GTPBP8: variants seen among roughly 807,000 people sequenced by gnomAD.
The protein encoded by GTPBP8 is GTP-binding protein 8.
GTPBP8 carries 21 observed loss-of-function variants against 27.3 expected under a neutral mutation model. The observed-to-expected ratio is 0.77, with a 90% CI of 0.55 to 1.11. The LOEUF (loss-of-function observed/expected upper bound fraction) is 1.11, where lower values mean the gene tolerates loss of function less well. Ranked by LOEUF, GTPBP8 falls within the 50% of genes least tolerant of loss-of-function variation. The pLI, the probability that GTPBP8 is intolerant of heterozygous loss-of-function variation, is 0.00. For synonymous variants in GTPBP8, 147 were observed against 135.3 expected, an observed-to-expected ratio of 1.09 and a Z score of -0.60; for missense variants, 380 against 350.8, an observed-to-expected ratio of 1.08 and a Z score of -0.67.
intron 1 of GTPBP8, chr3:112,991,611 A>C (rs1933682778): frequency 1.6e-6 from 1 of 640,912 alleles, no homozygotes; most frequent in Admixed American, 2.1e-5. Context: ...CTGCCTGTAT[A>C]CAGCTTAAAT....
intron 2 of GTPBP8, among the ~76,000 whole-genome samples, chr3:112,994,757 A>C (rs1053745474): frequency 1.3e-5 from 2 of 152,216 alleles, no homozygotes; most frequent in Admixed American, 6.5e-5. Flanking sequence ...GTTTCTCTTT[A>C]AAGTGGAGAT....
At position 112,995,224 on chromosome 3, in the gene GTPBP8, T is replaced by A; in HGVS notation, c.525T>A (p.Asp175Glu). 1 of 1,609,338 alleles carries A rather than the reference T, an allele frequency of 6.2e-7. No individual in the cohort carries two copies. Among genetic ancestry groups the A allele is most frequent in the Non-Finnish European group, 8.5e-7 (1 of 1,176,524 alleles). ...GTTATGGCTTTAGAGCACCTGAAGA[T>A]TTTGTTGACATGGTAGAGACCTATC... ...MPGYGFRAPE[D>E]FVDMVETYLK... The change falls in exon 3 of 6, where the codon GAT (aspartate) becomes GAA (glutamate). Residue 175 changes from aspartate to glutamate, a missense_variant. Physicochemically the swap from Asp to Glu is conservative, Grantham distance 45 (BLOSUM62 2). Coordinates refer to ENST00000383678, the MANE Select transcript of GTPBP8 (RefSeq NM_014170.4).
At chr3:112,991,698 ACT>A (rs1933684649) in intron 1 of GTPBP8, 1 of 427,850 alleles carries the variant, frequency 2.3e-6, no homozygotes. Context: ...CAAAAAATTA[ACT>A]CTCCTTTTTT....
chr3:112,991,760 T>G (rs1933686467), intron 1 of GTPBP8: 1 of 349,028 alleles, frequency 2.9e-6, no homozygotes, highest in African/African-American at 2.1e-5. Context: ...TTAGACAGAA[T>G]TTAGACAGTG....
At chr3:112,996,823 A>G in intron 3 of GTPBP8, 69 bp from the exon 4 acceptor site, 3 of 751,532 alleles carry the variant, frequency 4.0e-6, no homozygotes, top group Admixed American at 1.9e-5. Flanking sequence ...TTAGTACAGT[A>G]AGGAAGAGGG....
intron 4 of GTPBP8, among the ~76,000 whole-genome samples, chr3:112,999,155 A>G (rs569767961): frequency 6.6e-6 from 1 of 152,346 alleles, no homozygotes; most frequent in African/African-American, 2.4e-5. Flanking sequence ...TTGCAAATAT[A>G]ACTCCAGGAC....
rs1933910177 is a variant in GTPBP8, at chr3:113,001,449, A to G, written c.*530A>G. On this transcript the variant is annotated 3_prime_UTR_variant, in exon 6 of 6. Transcript: ENST00000383678. ...TTAGTCCATGTTGGAAACAACCGAA[A>G]GAACAGAATTCAAGTTCTAGTTCTG... 1.3e-5 allele frequency: 2 copies of G among 152,236 alleles called. No homozygotes were observed. 9.4% of individuals were successfully genotyped at this position (152,236 alleles called of 1,614,324 possible). A position where few individuals can be genotyped will look rare whatever the true frequency, so the allele number is the denominator to read the frequency against.
chr3:112,991,926 A>C (rs996477684), intron 1 of GTPBP8: 3 of 250,012 alleles, frequency 1.2e-5, no homozygotes, highest in African/African-American at 7.0e-5. Context: ...GTGAAATTTC[A>C]TGAGTGAGCA....
intron 4 of GTPBP8, among the ~76,000 whole-genome samples, chr3:112,998,660 CAGG>C (rs1933832404): frequency 6.6e-6 from 1 of 152,068 alleles, no homozygotes; most frequent in Non-Finnish European, 1.5e-5. Context: ...GAATGGAAGG[CAGG>C]AGGTCAGAGA....
chr3:112,999,247 ATG>A lies in GTPBP8; in HGVS notation c.667-195_667-194del, dbSNP rs539007523. 5.4e-3 allele frequency among the ~76,000 whole-genome samples: 824 copies of A among 152,308 alleles called. 4 individuals are homozygous for A. Among genetic ancestry groups the A allele is most frequent in the South Asian group, 0.044 (214 of 4,830 alleles). On this transcript the variant is annotated intron_variant, in intron 4 of 5. Coordinates refer to ENST00000383678, the MANE Select transcript of GTPBP8 (RefSeq NM_014170.4). ...GCAGCAGACATACAGTGTATACTTG[ATG>A]TGTTTCACACATTTGCTCATTTAAT...
At chr3:112,991,399 C>A in intron 1 of GTPBP8, 64 bp downstream of exon 1, 1 of 1,441,016 alleles carries the variant, frequency 6.9e-7, no homozygotes, top group Non-Finnish European at 9.8e-7. Context: ...CTTCCCTGGC[C>A]GTCCGGCTCG....
In GTPBP8 at chr3:112,995,119, C is replaced by T; in HGVS notation, c.436-16C>T. 1 of 1,560,356 alleles carries T rather than the reference C, an allele frequency of 6.4e-7. No homozygotes were observed. Among genetic ancestry groups the T allele is most frequent in the Non-Finnish European group, 8.7e-7 (1 of 1,151,944 alleles). ...ATATCTTAAGACAGCTTTTCTTTTTCTATTTACTTTATCAGGGACACACAA... is the reference window on the plus strand; with the variant it reads ...ATATCTTAAGACAGCTTTTCTTTTTTTATTTACTTTATCAGGGACACACAA... On this transcript the variant is annotated splice_polypyrimidine_tract_variant and intron_variant, in intron 2 of 5. Coordinates refer to ENST00000383678, the MANE Select transcript of GTPBP8 (RefSeq NM_014170.4).
chr3:112,997,554 A>C (rs1355934230), intron 4 of GTPBP8, among the ~76,000 whole-genome samples: 2 of 152,244 alleles, frequency 1.3e-5, no homozygotes, highest in Non-Finnish European at 2.9e-5. Context: ...ATTGGTATCC[A>C]CATTAATTTT....
intron 3 of GTPBP8, 150 bp from the exon 4 acceptor site, chr3:112,996,742 C>A: frequency 1.7e-6 from 1 of 599,064 alleles, no homozygotes; most frequent in Non-Finnish European, 2.9e-6. Context: ...AAACTTCTGG[C>A]AAATTGAGAA....
At chr3:112,999,032 T>G (rs1933841282) in intron 4 of GTPBP8, among the ~76,000 whole-genome samples, 2 of 152,236 alleles carry the variant, frequency 1.3e-5, no homozygotes, top group African/African-American at 4.8e-5. Flanking sequence ...TTCTGATTTT[T>G]TTCTTTAGAG....
rs990641253 is a variant in GTPBP8 at position 113,001,327 on chromosome 3, T to G, written c.*408T>G. On this transcript the variant is annotated 3_prime_UTR_variant, in exon 6 of 6. Coordinates refer to ENST00000383678, the MANE Select transcript of GTPBP8 (RefSeq NM_014170.4). ...AGGTAAAAGGGGGCTGCTTTTCTGT[T>G]AAGCATCGATAGGTAAGTTGATGGA... The G allele has an allele frequency of 3.9e-5, 6 of 153,568 alleles. 1 individual carries two copies. Among genetic ancestry groups the G allele is most frequent in the African/African-American group, 1.4e-4 (6 of 41,612 alleles). 9.5% of individuals were successfully genotyped at this position (153,568 alleles called of 1,614,324 possible).
intron 2 of GTPBP8, among the ~76,000 whole-genome samples, chr3:112,994,423 CAA>C (rs57931589): frequency 0.026 from 2,811 of 108,402 alleles, 122 homozygotes; most frequent in East Asian, 0.23. Flanking sequence ...AACTCTGTCT[CAA>C]AAAAAAAAAA....
At position 112,990,994 on chromosome 3, in the gene GTPBP8, G is replaced by A; in HGVS notation, c.-6G>A. The A allele has an allele frequency of 6.3e-7, 1 of 1,584,400 alleles. No individual in the cohort carries two copies. Among genetic ancestry groups the A allele is most frequent in the East Asian group, 2.3e-5 (1 of 44,330 alleles). On this transcript the variant is annotated 5_prime_UTR_variant, in exon 1 of 6. Coordinates refer to ENST00000383678, the MANE Select transcript of GTPBP8 (RefSeq NM_014170.4). Reference sequence around the variant, plus strand: ...AATCTCTCTGCCCGTCTTCTGGGAAGGGAGAATGGCGGCGCCCGGGCTGCG... The same window carrying A: ...AATCTCTCTGCCCGTCTTCTGGGAAAGGAGAATGGCGGCGCCCGGGCTGCG...
chr3:112,996,829 G>A (rs1196483492), intron 3 of GTPBP8, 63 bp from the exon 4 acceptor site: 3 of 767,274 alleles, frequency 3.9e-6, no homozygotes, highest in Non-Finnish European at 7.1e-6. Context: ...CAGTAAGGAA[G>A]AGGGGATAAA....
Sources: gnomAD v4.1 joint callset for allele counts (sites outside exome capture counted in the v4.1 genomes callset) on GRCh38, gnomAD v4.1.1 for gene constraint, MANE v1.5 for transcripts, NCBI Gene and HGNC (gene_info 2026-07-23, HGNC 2026-07-21) for gene names.